Variants in RALB observed in about 807,000 individuals in gnomAD.
The protein encoded by RALB is RAS like proto-oncogene B, also known as ras-related protein Ral-B.
A neutral mutation model predicts 21.3 loss-of-function variants in RALB; 16 were observed. That is an observed-to-expected ratio of 0.75 (90% confidence interval 0.51 to 1.14). The LOEUF is 1.14. Among genes scored for constraint, RALB ranks in the 50% most tolerant of loss-of-function variants. The probability of loss-of-function intolerance (pLI) is 0.00; values close to 1 mark genes in which losing one functional copy is unlikely to be tolerated. For synonymous variants in RALB, 93 were observed against 96.1 expected, an observed-to-expected ratio of 0.97 and a Z score of 0.19; for missense variants, 161 against 256.2, an observed-to-expected ratio of 0.63 and a Z score of 2.54.
chr2:120,256,582 C>G (rs1558946371), intron 1 of RALB, among the ~76,000 whole-genome samples: 1 of 152,178 alleles, frequency 6.6e-6, no homozygotes, highest in Non-Finnish European at 1.5e-5. Flanking sequence ...ATTCTCTCTC[C>G]TGCTGCCCTG....
intron 1 of RALB, among the ~76,000 whole-genome samples, chr2:120,259,509 C>T (rs184912773): frequency 6.7e-6 from 1 of 149,740 alleles, no homozygotes; most frequent in Non-Finnish European, 1.5e-5. Flanking sequence ...TTTACAATCC[C>T]TGAGCTAGAC....
intron 1 of RALB, among the ~76,000 whole-genome samples, chr2:120,272,140 TAAG>T (rs898863506): frequency 1.3e-5 from 2 of 152,168 alleles, no homozygotes; most frequent in African/African-American, 4.8e-5. Flanking sequence ...TCCTGCCTTA[TAAG>T]AAGAGGAAGA....
chr2:120,277,013 C>T (rs956984381), intron 1 of RALB, among the ~76,000 whole-genome samples: 19 of 152,168 alleles, frequency 1.2e-4, no homozygotes, highest in African/African-American at 2.7e-4. Context: ...ACTTGGGTTA[C>T]GGTAGATTCC....
intron 1 of RALB, among the ~76,000 whole-genome samples, chr2:120,263,772 C>A (rs545636651): frequency 6.6e-6 from 1 of 152,232 alleles, no homozygotes; most frequent in South Asian, 2.1e-4. Flanking sequence ...TCAAGCATTC[C>A]GCCCGCCTCA....
upstream of RALB, chr2:120,252,844 G>C (rs1056581797): frequency 1.0e-5 from 10 of 985,664 alleles, no homozygotes; most frequent in East Asian, 5.7e-4. Flanking sequence ...GGCGCGCTCG[G>C]GGGGTGGGAA....
In RALB at chr2:120,262,938, A is replaced by G. The variant is rs1689404044; in HGVS notation, c.-48+9958A>G. Among the ~76,000 whole-genome samples the G allele has an allele frequency of 3.3e-5, 5 of 152,262 alleles. No homozygotes were observed. The South Asian group carries it at 1.0e-3, about 32-fold the overall frequency. ...CTCTCCACTGCCCTGAGACGTAGGC[A>G]GGGCAGATATTGTCAGTGAGTGGGA... On this transcript the variant is annotated intron_variant, in intron 1 of 4. Coordinates refer to ENST00000272519, the MANE Select transcript of RALB (RefSeq NM_002881.3).
chr2:120,277,984 T>C (rs372225290), intron 1 of RALB, among the ~76,000 whole-genome samples: 1,535 of 147,860 alleles, frequency 0.01, 35 homozygotes, highest in African/African-American at 0.037. Flanking sequence ...AATAAGAGCA[T>C]GTGTGAATGT....
chr2:120,281,132 G>A (rs990988023), intron 2 of RALB, among the ~76,000 whole-genome samples: 1 of 152,194 alleles, frequency 6.6e-6, no homozygotes, highest in Admixed American at 6.5e-5. Flanking sequence ...TGTCAGCTGG[G>A]GCTGTGACCT....
chr2:120,247,545 G>C (rs183923128), intron 1 of RALB, among the ~76,000 whole-genome samples: 1 of 152,308 alleles, frequency 6.6e-6, no homozygotes, highest in East Asian at 1.9e-4. Context: ...TTAGGGAAAA[G>C]TGGTTTTTAA....
intron 1 of RALB, among the ~76,000 whole-genome samples, chr2:120,276,722 A>T (rs77783945): frequency 0.024 from 3,697 of 152,292 alleles, 68 homozygotes; most frequent in Non-Finnish European, 0.038. Context: ...GATGGAAAAC[A>T]ACATTGGTTC....
At chr2:120,245,045 A>G (rs1324704697) in intron 1 of RALB, among the ~76,000 whole-genome samples, 1 of 152,180 alleles carries the variant, frequency 6.6e-6, no homozygotes, top group East Asian at 1.9e-4. Context: ...AGGAAGAGGG[A>G]GAGCCGTGGG....
chr2:120,264,855 T>C (rs554086374), intron 1 of RALB, among the ~76,000 whole-genome samples: 1 of 152,310 alleles, frequency 6.6e-6, no homozygotes, highest in Non-Finnish European at 1.5e-5. Flanking sequence ...GGAATCATAG[T>C]ATTTGTGCTT....
chr2:120,260,782 C>G (rs1689347180), intron 1 of RALB, among the ~76,000 whole-genome samples: 1 of 152,200 alleles, frequency 6.6e-6, no homozygotes, highest in Admixed American at 6.5e-5. Context: ...TTGCTACTTG[C>G]TCATTTTAAA....
chr2:120,274,549 T>C (rs1378925645), intron 1 of RALB, among the ~76,000 whole-genome samples: 3 of 152,072 alleles, frequency 2.0e-5, no homozygotes, highest in African/African-American at 7.2e-5. Flanking sequence ...AGAAATCTAA[T>C]ACATGAAAAG....
intron 1 of RALB, among the ~76,000 whole-genome samples, chr2:120,256,985 A>G (rs1013242567): frequency 2.6e-5 from 4 of 152,236 alleles, no homozygotes; most frequent in African/African-American, 7.2e-5. Flanking sequence ...CTTTAATACT[A>G]TATGTGAAAC....
rs181433762 is a variant in RALB at position 120,259,065 on chromosome 2, G to C, written c.-48+6085G>C. Among the ~76,000 whole-genome samples, 303 of 152,196 alleles carry C rather than the reference G, an allele frequency of 2.0e-3. 1 individual carries two copies. Among genetic ancestry groups the C allele is most frequent in the Non-Finnish European group, 2.4e-3 (164 of 68,014 alleles). Reference sequence around the variant, plus strand: ...TGTTCGTTCCTCCCGGTGGGCTCGTGGTCTTGCTGGGCTCGGGAGTGAAGC... The same window carrying C: ...TGTTCGTTCCTCCCGGTGGGCTCGTCGTCTTGCTGGGCTCGGGAGTGAAGC... On this transcript the variant is annotated intron_variant, in intron 1 of 4. Transcript: ENST00000272519.
chr2:120,275,645 G>A (rs919304545), intron 1 of RALB, among the ~76,000 whole-genome samples: 7 of 152,108 alleles, frequency 4.6e-5, no homozygotes, highest in African/African-American at 1.4e-4. Flanking sequence ...GTGTGTGTGT[G>A]TTGTGTGTGT....
chr2:120,264,291 ACAGGCACC>A (rs1365088849), intron 1 of RALB, among the ~76,000 whole-genome samples: 2 of 151,796 alleles, frequency 1.3e-5, no homozygotes, highest in East Asian at 3.9e-4. Flanking sequence ...AGCTTGGATT[ACAGGCACC>A]CACCATCACA....
intron 1 of RALB, among the ~76,000 whole-genome samples, chr2:120,261,274 A>G (rs1283056371): frequency 3.3e-5 from 5 of 152,090 alleles, no homozygotes; most frequent in Non-Finnish European, 5.9e-5. Flanking sequence ...ATGCTGCAGG[A>G]AGAAGGGTAG....
Sources: allele counts gnomAD v4.1 joint callset (sites outside exome capture counted in the v4.1 genomes callset), GRCh38; gene constraint gnomAD v4.1.1; transcripts MANE v1.5; gene names NCBI Gene and HGNC (gene_info 2026-07-23, HGNC 2026-07-21).